The following HBP1 variants were observed in gnomAD, a reference collection of about 807,000 sequenced individuals.
HBP1 encodes the protein HMG box-containing protein 1.
A neutral mutation model predicts 62.6 loss-of-function variants in HBP1; 20 were observed. The ratio of observed to expected loss-of-function variants is 0.32; its 90% confidence interval spans 0.22 to 0.46. The LOEUF (loss-of-function observed/expected upper bound fraction) is 0.46, where lower values mean the gene tolerates loss of function less well. Among genes scored for constraint, HBP1 ranks in the 20% least tolerant of loss-of-function variants. HBP1 has a pLI of 1.00. For missense variants in HBP1, 480 were observed against 611.8 expected, an observed-to-expected ratio of 0.78 and a Z score of 2.27; for synonymous variants, 232 against 206.2, an observed-to-expected ratio of 1.12 and a Z score of -1.07.
At chr7:107,175,881 T>C (rs1030328522) in intron 1 of HBP1, among the ~76,000 whole-genome samples, 3 of 152,032 alleles carry the variant, frequency 2.0e-5, no homozygotes, top group Non-Finnish European at 4.4e-5. Context: ...CATGCCTGGC[T>C]AATTTTTTGT....
At chr7:107,179,265 T>A (rs1446299883) in intron 1 of HBP1, among the ~76,000 whole-genome samples, 1 of 152,236 alleles carries the variant, frequency 6.6e-6, no homozygotes, top group Non-Finnish European at 1.5e-5. Context: ...AGTTTTTGCA[T>A]CTGAAAGGAC....
chr7:107,195,115 T>C (rs1419788153), intron 8 of HBP1, among the ~76,000 whole-genome samples: 1 of 152,172 alleles, frequency 6.6e-6, no homozygotes, highest in East Asian at 1.9e-4. Flanking sequence ...TCTGCCTCCC[T>C]GGTTCAAGCG....
intron 1 of HBP1, among the ~76,000 whole-genome samples, chr7:107,171,189 C>T (rs1172093797): frequency 6.7e-6 from 1 of 149,530 alleles, no homozygotes; most frequent in Non-Finnish European, 1.5e-5. Context: ...CTTGCCTCAG[C>T]CTCCTGAGTA....
chr7:107,175,060 G>A (rs1250218008), intron 1 of HBP1, among the ~76,000 whole-genome samples: 1 of 151,854 alleles, frequency 6.6e-6, no homozygotes, highest in Non-Finnish European at 1.5e-5. Context: ...GACTGGGAAT[G>A]TGAGTGCTCT....
chr7:107,200,347 G>T, intron 10 of HBP1, 46 bp downstream of exon 10: 1 of 1,537,072 alleles, frequency 6.5e-7, no homozygotes. Flanking sequence ...CCTTATCCGT[G>T]CAGGTGTACT....
intron 9 of HBP1, among the ~76,000 whole-genome samples, chr7:107,199,545 T>TTGA (rs1315375686): frequency 6.6e-6 from 1 of 152,234 alleles, no homozygotes; most frequent in Non-Finnish European, 1.5e-5. Flanking sequence ...TAAAAATCAC[T>TTGA]TGATGTGCTT....
rs544592205 is a variant in HBP1 at position 107,189,476 on chromosome 7, CT to C, written c.922+35del. ...AGGGCTTGAATTGCATTTGTAGTAA[CT>C]TTTTTTAAACAAAGCTTCTTAAATC... is the stretch of plus-strand genomic sequence containing the variant. On this transcript the variant is annotated intron_variant, in intron 7 of 10. Coordinates refer to ENST00000222574, the MANE Select transcript of HBP1 (RefSeq NM_012257.4). The C allele has an allele frequency of 7.7e-4, 1,185 of 1,546,390 alleles. 10 individuals are homozygous for C. In the African/African-American group the frequency reaches 0.016, roughly 20 times the overall value.
At chr7:107,181,339 G>A (rs1333907349) in intron 2 of HBP1, among the ~76,000 whole-genome samples, 1 of 152,038 alleles carries the variant, frequency 6.6e-6, no homozygotes, top group Admixed American at 6.6e-5. Context: ...GGCATGGTGG[G>A]TACATGCCTG....
At chr7:107,197,930 G>GTGAC (rs1798004344) in intron 9 of HBP1, among the ~76,000 whole-genome samples, 1 of 152,140 alleles carries the variant, frequency 6.6e-6, no homozygotes, top group South Asian at 2.1e-4. Flanking sequence ...CTTAGATTTA[G>GTGAC]TGACAGGTAC....
chr7:107,196,071 A>G lies in HBP1; in HGVS notation c.1305A>G (p.Lys435=). 6.2e-7 allele frequency: 1 copy of G among 1,613,580 alleles called. No individual in the cohort carries two copies. The highest frequency in any genetic ancestry group is 1.1e-5 in the South Asian group (1 of 91,068). ...GTGCCACTTCTCCTAATAAGTGCAA[A>G]AGACCAATGAATGCCTTCATGCTTT... ...TVSATSPNKC[K]RPMNAFMLFA... Residue 435 remains lysine, a synonymous_variant, in exon 9 of 11, where the codon AAA becomes AAG. Transcript: ENST00000222574.
Position 107,201,465 on chromosome 7 carries a change from C to A in HBP1, c.*34C>A, listed in dbSNP as rs906880981. The stretch of plus-strand genomic sequence containing the variant: ...GCTTATGTTCTTAAGTCTATATTTG[C>A]ATATACATTGACTCTTGATGGAAAG... On this transcript the variant is annotated 3_prime_UTR_variant, in exon 11 of 11. Transcript: ENST00000222574. The A allele has an allele frequency of 1.4e-6, 2 of 1,394,482 alleles. No individual in the cohort carries two copies. Among genetic ancestry groups the A allele is most frequent in the Non-Finnish European group, 2.0e-6 (2 of 983,930 alleles). 86.4% of individuals were successfully genotyped at this position (1,394,482 alleles called of 1,614,324 possible).
At chr7:107,191,486 T>TTA (rs1400127432) in intron 8 of HBP1, among the ~76,000 whole-genome samples, 1 of 152,182 alleles carries the variant, frequency 6.6e-6, no homozygotes, top group Non-Finnish European at 1.5e-5. Flanking sequence ...CATTCCTCTT[T>TTA]TATATATATT....
chr7:107,170,732 C>T (rs897013672), intron 1 of HBP1, among the ~76,000 whole-genome samples: 1 of 151,710 alleles, frequency 6.6e-6, no homozygotes, highest in African/African-American at 2.4e-5. Context: ...CTTATCTTTT[C>T]TGTCTCGAAA....
At chr7:107,187,619 T>G (rs1584492300) in intron 6 of HBP1, among the ~76,000 whole-genome samples, 1 of 149,384 alleles carries the variant, frequency 6.7e-6, no homozygotes, top group Non-Finnish European at 1.5e-5. Flanking sequence ...TGCCTTCAGT[T>G]TCGTCCCCTT....
At chr7:107,181,551 T>A (rs959719358) in intron 2 of HBP1, among the ~76,000 whole-genome samples, 7 of 152,098 alleles carry the variant, frequency 4.6e-5, no homozygotes, top group African/African-American at 1.7e-4. Context: ...GAATAGGAGT[T>A]ATACATACTT....
At chr7:107,173,822 CAT>C (rs1300963437) in intron 1 of HBP1, among the ~76,000 whole-genome samples, 1 of 152,146 alleles carries the variant, frequency 6.6e-6, no homozygotes, top group African/African-American at 2.4e-5. Context: ...GAAGAGATGA[CAT>C]GTGCAGAGTT....
intron 2 of HBP1, among the ~76,000 whole-genome samples, chr7:107,180,741 G>A (rs1797067742): frequency 6.6e-6 from 1 of 152,174 alleles, no homozygotes; most frequent in Non-Finnish European, 1.5e-5. Context: ...CTATGGTAAT[G>A]TTTGGAAATT....
chr7:107,189,180 A>G (rs969876843), intron 6 of HBP1, 112 bp from the exon 7 acceptor site: 436 of 811,610 alleles, frequency 5.4e-4, no homozygotes, highest in East Asian at 1.6e-4. Context: ...AATGGCAGGG[A>G]TCCTGTCTTG....
chr7:107,169,820 G>C (rs1391105324), intron 1 of HBP1: 10 of 985,254 alleles, frequency 1.0e-5, no homozygotes, highest in Non-Finnish European at 1.1e-5. Context: ...GGGGGGAAGG[G>C]AGGGGAACGC....
Sources: allele counts gnomAD v4.1 joint callset (sites outside exome capture counted in the v4.1 genomes callset), GRCh38; gene constraint gnomAD v4.1.1; transcripts MANE v1.5; gene names NCBI Gene and HGNC (gene_info 2026-07-23, HGNC 2026-07-21).